ZNF567: variants seen among roughly 807,000 people sequenced by gnomAD.
ZNF567 encodes the protein zinc finger protein 567.
In ZNF567, 36 loss-of-function variants were observed where a neutral mutation model predicts 53.9. The ratio of observed to expected loss-of-function variants is 0.67; its 90% confidence interval spans 0.51 to 0.88. The LOEUF (loss-of-function observed/expected upper bound fraction) is 0.88. ZNF567 is among the 40% of genes least tolerant of loss of function. ZNF567 has a pLI of 0.00. For missense variants in ZNF567, 619 were observed against 764.7 expected, an observed-to-expected ratio of 0.81 and a Z score of 2.25; for synonymous variants, 224 against 260.4, an observed-to-expected ratio of 0.86 and a Z score of 1.35.
At position 36,701,267 on chromosome 19, in the gene ZNF567, A is replaced by T. The variant is rs1016272933; in HGVS notation, c.9+6391A>T. Among the ~76,000 whole-genome samples, 41 of 152,056 alleles carry T rather than the reference A, an allele frequency of 2.7e-4. 1 individual carries two copies. Among genetic ancestry groups the T allele is most frequent in the Admixed American group, 4.6e-4 (7 of 15,274 alleles). ...TTTCTTAATCTTGAGTTCTAGTTTG[A>T]TTGCACTGTGGTCTGAGAGACAGTT... On this transcript the variant is annotated intron_variant, in intron 3 of 5. Coordinates refer to ENST00000682579, the MANE Select transcript of ZNF567 (RefSeq NM_001322917.1).
chr19:36,703,524 C>A (rs1186158751), intron 3 of ZNF567, among the ~76,000 whole-genome samples: 2 of 151,762 alleles, frequency 1.3e-5, no homozygotes, highest in Non-Finnish European at 2.9e-5. Flanking sequence ...CTGTGCCCTG[C>A]CCCCAGAGGT....
the ZNF567 span, chr19:36,669,074 T>G: frequency 6.6e-6 from 1 of 152,198 alleles, no homozygotes; most frequent in African/African-American, 2.4e-5. Flanking sequence ...TATTAGGTGT[T>G]ATAAGTAATC....
intron 1 of ZNF567, 105 bp downstream of exon 1, chr19:36,687,739 G>A (rs1030126681): frequency 6.5e-6 from 1 of 152,968 alleles, no homozygotes; most frequent in Admixed American, 6.5e-5. Flanking sequence ...AAGCAAGAAG[G>A]GAAGAGGAGC....
At chr19:36,716,568 T>G (rs370162539) in intron 5 of ZNF567, among the ~76,000 whole-genome samples, 4 of 152,372 alleles carry the variant, frequency 2.6e-5, no homozygotes, top group South Asian at 2.1e-4. Flanking sequence ...TCAAGCATTC[T>G]TAAGGATTCT....
the ZNF567 span, among the ~76,000 whole-genome samples, chr19:36,682,047 A>AGG: frequency 6.6e-6 from 1 of 152,084 alleles, no homozygotes; most frequent in Non-Finnish European, 1.5e-5. Context: ...GCTGAGAGAC[A>AGG]GGGGGATCAC....
At chr19:36,692,542 G>A (rs566149539) in intron 2 of ZNF567, among the ~76,000 whole-genome samples, 16 of 151,956 alleles carry the variant, frequency 1.1e-4, no homozygotes, top group African/African-American at 3.6e-4. Context: ...TGGCTAATTT[G>A]TGTATTTTTA....
intron 2 of ZNF567, among the ~76,000 whole-genome samples, chr19:36,690,542 G>C (rs1485967129): frequency 6.6e-6 from 1 of 152,010 alleles, no homozygotes; most frequent in Non-Finnish European, 1.5e-5. Context: ...AGTGAGCCGT[G>C]ATCACACCAC....
intron 2 of ZNF567, among the ~76,000 whole-genome samples, chr19:36,694,107 G>C (rs1222351845): frequency 6.6e-6 from 1 of 152,132 alleles, no homozygotes; most frequent in Non-Finnish European, 1.5e-5. Flanking sequence ...AATTGCTTGA[G>C]CTCAGGAGTT....
chr19:36,686,984 A>T (rs114425996), upstream of ZNF567, among the ~76,000 whole-genome samples: 869 of 152,300 alleles, frequency 5.7e-3, 11 homozygotes, highest in African/African-American at 0.02. Context: ...GCTTCATTGC[A>T]AGATGACTCT....
At chr19:36,684,268 T>A (rs548106983), upstream of ZNF567, among the ~76,000 whole-genome samples, 3 of 152,360 alleles carry the variant, frequency 2.0e-5, no homozygotes, top group East Asian at 5.8e-4. Flanking sequence ...CATGCACTTA[T>A]TCACAAATGA....
chr19:36,723,581 A>G (rs899077407), downstream of ZNF567, among the ~76,000 whole-genome samples: 1 of 152,188 alleles, frequency 6.6e-6, no homozygotes, highest in African/African-American at 2.4e-5. Context: ...CACACCTGTA[A>G]TCCCAGCACT....
At chr19:36,700,744 T>C (rs1318916885) in intron 3 of ZNF567, among the ~76,000 whole-genome samples, 2 of 152,232 alleles carry the variant, frequency 1.3e-5, no homozygotes, top group African/African-American at 2.4e-5. Flanking sequence ...TGGTAGTTTG[T>C]ATTTCTGTGG....
intron 3 of ZNF567, among the ~76,000 whole-genome samples, chr19:36,706,786 G>C (rs1187319469): frequency 6.8e-6 from 1 of 148,146 alleles, no homozygotes. Flanking sequence ...CACCTGAGTA[G>C]CTAGGACTGC....
At chr19:36,689,881 C>G (rs2038506774) in intron 2 of ZNF567, among the ~76,000 whole-genome samples, 1 of 152,134 alleles carries the variant, frequency 6.6e-6, no homozygotes, top group African/African-American at 2.4e-5. Flanking sequence ...GTTTTTCCCC[C>G]TGGAAAAACA....
upstream of ZNF567, among the ~76,000 whole-genome samples, chr19:36,684,992 A>G (rs2145477894): frequency 6.6e-6 from 1 of 152,314 alleles, no homozygotes; most frequent in African/African-American, 2.4e-5. Context: ...AAACAGATGT[A>G]AAAAGGGAGA....
chr19:36,669,676 C>T, the ZNF567 span, among the ~76,000 whole-genome samples: 3 of 152,100 alleles, frequency 2.0e-5, no homozygotes, highest in African/African-American at 7.2e-5. Context: ...TAATAAAAGC[C>T]GTAGGTCCCT....
chr19:36,705,570 G>T (rs1301129930), intron 3 of ZNF567, among the ~76,000 whole-genome samples: 1 of 152,104 alleles, frequency 6.6e-6, no homozygotes, highest in Non-Finnish European at 1.5e-5. Flanking sequence ...AATTTATGGA[G>T]ACTTCTTTTA....
chr19:36,713,535 A>G (rs974121683), intron 5 of ZNF567, among the ~76,000 whole-genome samples: 3 of 152,078 alleles, frequency 2.0e-5, no homozygotes, highest in African/African-American at 7.2e-5. Flanking sequence ...ACTTGAGCCC[A>G]AGGATTCAAG....
chr19:36,712,396 CT>C lies in ZNF567; in HGVS notation c.23del (p.Phe8SerfsTer4). 6.2e-7 allele frequency: 1 copy of C among 1,613,792 alleles called. No homozygotes were observed. The highest frequency in any genetic ancestry group is 2.2e-5 in the East Asian group (1 of 44,864). On this transcript the variant is annotated frameshift_variant, in exon 4 of 6. Transcript: ENST00000682579. LOFTEE classifies it high-confidence loss of function. MAQGSV[S>X]FNDVTVDFTQ... ...TTCCATCCATTCTAGGGATCAGTGTCTTTCAATGATGTGACTGTGGACTTCA... is the reference window on the plus strand; with the variant it reads ...TTCCATCCATTCTAGGGATCAGTGTCTTCAATGATGTGACTGTGGACTTCA...
Sources: allele counts gnomAD v4.1 joint callset (sites outside exome capture counted in the v4.1 genomes callset), GRCh38; gene constraint gnomAD v4.1.1; transcripts MANE v1.5; gene names NCBI Gene and HGNC (gene_info 2026-07-23, HGNC 2026-07-21).